PRKG1: variants seen among roughly 807,000 people sequenced by gnomAD.
PRKG1 encodes the protein cGMP-dependent protein kinase 1.
A neutral mutation model predicts 88.1 loss-of-function variants in PRKG1; 35 were observed. That is an observed-to-expected ratio of 0.40 (90% CI 0.30 to 0.53). The LOEUF is 0.53. Ranked by LOEUF, PRKG1 falls within the 20% of genes least tolerant of loss-of-function variation. The probability of loss-of-function intolerance (pLI) is 0.59; values close to 1 mark genes in which losing one functional copy is unlikely to be tolerated. For missense variants in PRKG1, 540 were observed against 839.8 expected, an observed-to-expected ratio of 0.64 and a Z score of 4.41; for synonymous variants, 303 against 292.5, an observed-to-expected ratio of 1.04 and a Z score of -0.37.
intron 3 of PRKG1, among the ~76,000 whole-genome samples, chr10:51,634,472 T>C (rs1031857506): frequency 4.0e-4 from 61 of 152,124 alleles, no homozygotes; most frequent in African/African-American, 1.4e-3. Flanking sequence ...AGATACATCA[T>C]CTGATCTGAG....
rs553073508 is a variant in PRKG1 at position 51,018,136 on chromosome 10, A to G, written c.266+26492A>G. 7.4e-4 allele frequency among the ~76,000 whole-genome samples: 113 copies of G among 152,248 alleles called. No homozygotes were observed. The East Asian group carries it at 8.5e-3, about 11-fold the overall frequency. On this transcript the variant is annotated intron_variant, in intron 1 of 17. Transcript: ENST00000401604. ...CGAGCCAGTGTTTGGAAAATTTTAC[A>G]TATATTAATTAATTTAATCTTCCAT...
At chr10:51,358,697 G>A (rs1029986063) in intron 2 of PRKG1, among the ~76,000 whole-genome samples, 1 of 151,824 alleles carries the variant, frequency 6.6e-6, no homozygotes. Context: ...GAGTCCAGAT[G>A]GAAGATTACT....
At chr10:51,269,506 T>C (rs1441820796) in intron 2 of PRKG1, among the ~76,000 whole-genome samples, 3 of 152,174 alleles carry the variant, frequency 2.0e-5, no homozygotes, top group East Asian at 1.9e-4. Context: ...AAATATATTA[T>C]GTATACAACA....
intron 3 of PRKG1, among the ~76,000 whole-genome samples, chr10:51,798,537 A>G (rs938227963): frequency 2.6e-5 from 4 of 152,036 alleles, no homozygotes; most frequent in East Asian, 1.9e-4. Context: ...GTGAAGCTTC[A>G]TCTTGGCCTT....
chr10:51,900,280 C>T (rs2132931144), intron 4 of PRKG1, among the ~76,000 whole-genome samples: 1 of 152,292 alleles, frequency 6.6e-6, no homozygotes, highest in South Asian at 2.1e-4. Context: ...AATAGCCTTT[C>T]AAGATAATGT....
Position 51,958,546 on chromosome 10 carries a change from C to CT in PRKG1, c.762+50992dup, listed in dbSNP as rs754914836. ...AGGAATAGGTCGTCCATTGTTGTTC[C>CT]TTTTTTTTTTTTTTTTCAGTTGGAC... On this transcript the variant is annotated intron_variant, in intron 5 of 17. Coordinates refer to ENST00000373980, the MANE Select transcript of PRKG1 (RefSeq NM_006258.4). Among the ~76,000 whole-genome samples, 364 of 92,768 alleles carry CT rather than the reference C, an allele frequency of 3.9e-3. 5 individuals carry two copies. The highest frequency in any genetic ancestry group is 0.013 in the Middle Eastern group (2 of 158). The allele number at this position is 92,768 out of a possible 152,430, so 60.9% of individuals were successfully genotyped here. A position where few individuals can be genotyped will look rare whatever the true frequency, so the allele number is the denominator to read the frequency against.
intron 9 of PRKG1, among the ~76,000 whole-genome samples, chr10:52,190,759 TG>T (rs1366907704): frequency 1.3e-5 from 2 of 152,128 alleles, no homozygotes; most frequent in Admixed American, 1.3e-4. Flanking sequence ...TTATGAAAAT[TG>T]TCAAGCAGAG....
intron 2 of PRKG1, among the ~76,000 whole-genome samples, chr10:51,355,976 G>T (rs1036685077): frequency 1.3e-5 from 2 of 151,984 alleles, no homozygotes. Flanking sequence ...CACTGCTAAT[G>T]TTAGCACTTC....
intron 5 of PRKG1, among the ~76,000 whole-genome samples, chr10:51,953,510 GTTAA>G (rs1843232937): frequency 6.6e-6 from 1 of 152,150 alleles, no homozygotes; most frequent in Non-Finnish European, 1.5e-5. Flanking sequence ...CTCCAAGGCT[GTTAA>G]TTGAGTGGTG....
At chr10:52,008,022 A>G (rs890291074) in intron 5 of PRKG1, among the ~76,000 whole-genome samples, 5 of 152,204 alleles carry the variant, frequency 3.3e-5, no homozygotes, top group African/African-American at 1.2e-4. Context: ...CTGCTCCTGT[A>G]TGACTTTTGG....
intron 3 of PRKG1, among the ~76,000 whole-genome samples, chr10:51,746,943 T>C (rs1837597440): frequency 6.6e-6 from 1 of 152,118 alleles, no homozygotes; most frequent in Non-Finnish European, 1.5e-5. Context: ...CACTAGAACC[T>C]AAAGGGTGGC....
intron 9 of PRKG1, among the ~76,000 whole-genome samples, chr10:52,229,707 T>G (rs1249353972): frequency 1.3e-5 from 2 of 152,178 alleles, no homozygotes; most frequent in African/African-American, 2.4e-5. Flanking sequence ...GTATCATCTG[T>G]CTCCTACAAG....
intron 5 of PRKG1, among the ~76,000 whole-genome samples, chr10:52,011,614 T>C (rs990565729): frequency 1.3e-5 from 2 of 152,290 alleles, no homozygotes; most frequent in Non-Finnish European, 1.5e-5. Context: ...AACAAATGTG[T>C]ACTCCTCATC....
chr10:52,036,266 T>A (rs1845607302), intron 5 of PRKG1, among the ~76,000 whole-genome samples: 1 of 151,812 alleles, frequency 6.6e-6, no homozygotes, highest in Non-Finnish European at 1.5e-5. Context: ...TAGAACAGAA[T>A]AATAGGTTAT....
At chr10:51,597,342 C>A (rs980960893) in intron 3 of PRKG1, among the ~76,000 whole-genome samples, 1 of 152,102 alleles carries the variant, frequency 6.6e-6, no homozygotes. Flanking sequence ...ACACACTTAC[C>A]AATCACATGA....
intron 2 of PRKG1, among the ~76,000 whole-genome samples, chr10:51,169,682 T>G (rs1460962626): frequency 6.6e-6 from 1 of 152,148 alleles, no homozygotes; most frequent in Non-Finnish European, 1.5e-5. Flanking sequence ...AAGACTACAG[T>G]GAAATGAAGA....
At chr10:51,869,597 T>G (rs930242270) in intron 4 of PRKG1, among the ~76,000 whole-genome samples, 32 of 152,300 alleles carry the variant, frequency 2.1e-4, no homozygotes, top group African/African-American at 7.5e-4. Context: ...TTTTTCACCC[T>G]GAACTATGTT....
chr10:51,334,601 CAAGCCAT>C (rs1017440205), intron 2 of PRKG1, among the ~76,000 whole-genome samples: 3 of 152,120 alleles, frequency 2.0e-5, no homozygotes, highest in Non-Finnish European at 4.4e-5. Flanking sequence ...TCTTTTCAGC[CAAGCCAT>C]ACTTTTGCTT....
chr10:51,731,519 G>C (rs1564624860), intron 3 of PRKG1, among the ~76,000 whole-genome samples: 1 of 152,136 alleles, frequency 6.6e-6, no homozygotes, highest in Admixed American at 6.5e-5. Flanking sequence ...CCAGACTTGA[G>C]AAAATTTAGC....
Sources: gnomAD v4.1 joint callset for allele counts (sites outside exome capture counted in the v4.1 genomes callset) on GRCh38, gnomAD v4.1.1 for gene constraint, MANE v1.5 for transcripts, NCBI Gene and HGNC (gene_info 2026-07-23, HGNC 2026-07-21) for gene names.